The following C8orf34 variants were observed in gnomAD, a reference collection of about 807,000 sequenced individuals.
C8orf34 encodes the protein uncharacterized protein C8orf34.
A neutral mutation model predicts 68.3 loss-of-function variants in C8orf34; 65 were observed. The ratio of observed to expected loss-of-function variants is 0.95; its 90% CI spans 0.78 to 1.17. The LOEUF (loss-of-function observed/expected upper bound fraction) is 1.17, where lower values mean the gene tolerates loss of function less well. Among genes scored for constraint, C8orf34 ranks in the 50% most tolerant of loss-of-function variants. The pLI, the probability that C8orf34 is intolerant of heterozygous loss-of-function variation, is 0.00. For missense variants in C8orf34, 664 were observed against 655.4 expected, an observed-to-expected ratio of 1.01 and a Z score of -0.14; for synonymous variants, 244 against 241.2, an observed-to-expected ratio of 1.01 and a Z score of -0.11.
At chr8:68,667,100 A>T (rs1483553284) in intron 8 of C8orf34, among the ~76,000 whole-genome samples, 2 of 151,904 alleles carry the variant, frequency 1.3e-5, no homozygotes, top group Non-Finnish European at 2.9e-5. Flanking sequence ...AATTTGATTA[A>T]TTTTTTTTGC....
chr8:68,575,286 TA>T (rs1244788777), intron 7 of C8orf34, among the ~76,000 whole-genome samples: 2 of 152,122 alleles, frequency 1.3e-5, no homozygotes, highest in African/African-American at 4.8e-5. Flanking sequence ...TAAGTCAGTG[TA>T]AAAATAATTA....
At chr8:68,717,441 CA>C (rs1172400575) in intron 9 of C8orf34, among the ~76,000 whole-genome samples, 4 of 150,490 alleles carry the variant, frequency 2.7e-5, no homozygotes, top group Admixed American at 6.6e-5. Flanking sequence ...TGCAGTGAGC[CA>C]ATTTCGTGCC....
chr8:68,588,753 T>C (rs539910650), intron 7 of C8orf34, among the ~76,000 whole-genome samples: 12 of 152,232 alleles, frequency 7.9e-5, no homozygotes, highest in African/African-American at 2.6e-4. Context: ...TGACAGAAAA[T>C]TGGTAAAATA....
At position 68,533,025 on chromosome 8, in the gene C8orf34, A is replaced by G. The variant is rs1444749815; in HGVS notation, c.981A>G (p.Gln327=). ...EPKNKGLKQQ[Q]QQHKKLLAAM... Reference sequence around the variant, plus strand: ...AGAACAAAGGATTAAAACAGCAGCAACAGCAACATAAGAAACTCCTGGCCG... The same window carrying G: ...AGAACAAAGGATTAAAACAGCAGCAGCAGCAACATAAGAAACTCCTGGCCG... Residue 327 remains glutamine (Q), a synonymous_variant, in exon 7 of 14, where the codon CAA becomes CAG. Coordinates refer to ENST00000518698, the MANE Select transcript of C8orf34 (RefSeq NM_052958.4). 6.2e-7 allele frequency: 1 copy of G among 1,610,008 alleles called. No individual in the cohort carries two copies. Among genetic ancestry groups the G allele is most frequent in the Non-Finnish European group, 8.5e-7 (1 of 1,176,598 alleles).
intron 1 of C8orf34, among the ~76,000 whole-genome samples, chr8:68,339,007 T>C (rs954317546): frequency 6.6e-6 from 1 of 152,172 alleles, no homozygotes; most frequent in African/African-American, 2.4e-5. Flanking sequence ...TTGCCTTCCG[T>C]ATATCTTTGG....
intron 1 of C8orf34, among the ~76,000 whole-genome samples, chr8:68,356,076 A>G (rs916288217): frequency 2.0e-5 from 3 of 152,252 alleles, no homozygotes; most frequent in East Asian, 3.9e-4. Context: ...TTGTATCTTC[A>G]TGACCAGAAA....
chr8:68,533,274 T>C (rs1815327448), intron 7 of C8orf34, 125 bp downstream of exon 7: 1 of 1,409,242 alleles, frequency 7.1e-7, no homozygotes. Context: ...ATTTAGTACA[T>C]ATTTTATTTA....
intron 8 of C8orf34, among the ~76,000 whole-genome samples, chr8:68,645,405 G>A (rs1404201907): frequency 6.6e-6 from 1 of 152,076 alleles, no homozygotes; most frequent in Non-Finnish European, 1.5e-5. Flanking sequence ...ACATTAAAAT[G>A]CTAAGATATT....
At chr8:68,654,378 C>T (rs1255115400) in intron 8 of C8orf34, among the ~76,000 whole-genome samples, 1 of 152,134 alleles carries the variant, frequency 6.6e-6, no homozygotes, top group Non-Finnish European at 1.5e-5. Flanking sequence ...AGATGAAAAG[C>T]GATTGCTTCT....
intron 5 of C8orf34, among the ~76,000 whole-genome samples, chr8:68,516,658 T>C (rs183327359): frequency 2.0e-5 from 3 of 151,928 alleles, no homozygotes; most frequent in Admixed American, 6.6e-5. Flanking sequence ...TTTTTATTTA[T>C]TTGAGATGGA....
intron 8 of C8orf34, among the ~76,000 whole-genome samples, chr8:68,660,591 T>A (rs1356902933): frequency 6.6e-6 from 1 of 152,198 alleles, no homozygotes; most frequent in Non-Finnish European, 1.5e-5. Context: ...AAATTAGTCA[T>A]GCTCACCTGT....
rs57112362 is a variant in C8orf34, at chr8:68,650,477, C to CTT, written c.1241+9985_1241+9986dup. ...AAAAGGCTGGCCGCCCCACCCTAGT[C>CTT]TTTTTTTTTTTTTTTTTTTTGAGAC... On this transcript the variant is annotated intron_variant, in intron 8 of 13. Coordinates refer to ENST00000518698, the MANE Select transcript of C8orf34 (RefSeq NM_052958.4). Among the ~76,000 whole-genome samples, 314 of 120,808 alleles carry CTT rather than the reference C, an allele frequency of 2.6e-3. 8 individuals carry two copies. Among genetic ancestry groups the CTT allele is most frequent in the African/African-American group, 7.0e-3 (213 of 30,428 alleles). 79.3% of individuals were successfully genotyped at this position (120,808 alleles called of 152,430 possible). A position where few individuals can be genotyped will look rare whatever the true frequency, so the allele number is the denominator to read the frequency against.
chr8:68,625,531 T>G (rs1586470947), intron 7 of C8orf34: 2 of 660,290 alleles, frequency 3.0e-6, no homozygotes, highest in Non-Finnish European at 2.8e-6. Context: ...TGGCTTGAAG[T>G]GTAAGGGATG....
chr8:68,746,953 A>G (rs1249647436), intron 10 of C8orf34, among the ~76,000 whole-genome samples: 7 of 151,286 alleles, frequency 4.6e-5, no homozygotes, highest in Admixed American at 2.6e-4. Flanking sequence ...TTAGACCAAT[A>G]TCCTTGATGA....
intron 8 of C8orf34, among the ~76,000 whole-genome samples, chr8:68,660,271 G>C (rs1403967222): frequency 6.6e-6 from 1 of 152,156 alleles, no homozygotes; most frequent in Non-Finnish European, 1.5e-5. Context: ...GGAACAAGCT[G>C]TCCCTAGTTA....
chr8:68,391,106 A>T (rs914119174), intron 1 of C8orf34, among the ~76,000 whole-genome samples: 3 of 152,178 alleles, frequency 2.0e-5, no homozygotes, highest in Non-Finnish European at 4.4e-5. Flanking sequence ...CCAAATTGAC[A>T]CATAAAACTA....
At chr8:68,813,677 A>G (rs1824723728) in intron 12 of C8orf34, among the ~76,000 whole-genome samples, 1 of 152,180 alleles carries the variant, frequency 6.6e-6, no homozygotes, top group Non-Finnish European at 1.5e-5. Flanking sequence ...ATGAGATAGC[A>G]TCAACATTCT....
At chr8:68,521,131 C>T (rs1338892609) in intron 5 of C8orf34, among the ~76,000 whole-genome samples, 1 of 152,054 alleles carries the variant, frequency 6.6e-6, no homozygotes, top group East Asian at 1.9e-4. Flanking sequence ...TAAACAAAAT[C>T]TAGATTATAA....
intron 1 of C8orf34, among the ~76,000 whole-genome samples, chr8:68,356,005 T>C (rs185177891): frequency 2.6e-4 from 40 of 152,308 alleles, no homozygotes; most frequent in African/African-American, 8.9e-4. Context: ...TTATATTCTG[T>C]TTATTCCTGC....
Sources: allele counts gnomAD v4.1 joint callset (sites outside exome capture counted in the v4.1 genomes callset), GRCh38; gene constraint gnomAD v4.1.1; transcripts MANE v1.5; gene names NCBI Gene and HGNC (gene_info 2026-07-23, HGNC 2026-07-21).